Variants in FDFT1 observed in about 807,000 individuals in gnomAD.
FDFT1 encodes the protein squalene synthase.
In FDFT1, 68 loss-of-function variants were observed where a neutral mutation model predicts 46.8. That is an observed-to-expected ratio of 1.45 (90% confidence interval 1.19 to 1.78). The LOEUF is 1.78. FDFT1 is among the 40% of genes most tolerant of loss of function. FDFT1 has a pLI of 0.00. For synonymous variants in FDFT1, 351 were observed against 185.1 expected (o/e 1.90, Z -7.28); for missense variants, 928 against 524.4 (o/e 1.77, Z -7.52).
At chr8:11,802,377 G>GACCACCGTTGGGCTCCTGCGC (rs1447188846), upstream of FDFT1, 8 of 453,340 alleles carry the variant, frequency 1.8e-5, no homozygotes, top group East Asian at 7.0e-5. Flanking sequence ...CCCGACTGCG[G>GACCACCGTTGGGCTCCTGCGC]ACCACCGTTG....
At chr8:11,812,196 C>A (rs549519903) in intron 3 of FDFT1, among the ~76,000 whole-genome samples, 4 of 152,212 alleles carry the variant, frequency 2.6e-5, no homozygotes, top group Non-Finnish European at 5.9e-5. Context: ...GTTCAGCTCT[C>A]GTGGGCTCTC....
intron 1 of FDFT1, chr8:11,803,204 C>T (rs1806363771): frequency 7.1e-7 from 1 of 1,412,634 alleles, no homozygotes. Context: ...TTCGTCCCCT[C>T]CGTGAGCATC....
At chr8:11,802,056 G>A (rs761821684), upstream of FDFT1, 10 of 455,628 alleles carry the variant, frequency 2.2e-5, no homozygotes, top group Non-Finnish European at 3.5e-5. Flanking sequence ...CCTGTTACAG[G>A]CTCTCTAAGG....
Position 11,831,518 on chromosome 8 carries a change from G to A in FDFT1, c.880G>A (p.Val294Met), listed in dbSNP as rs1474839609. The change falls in exon 7 of 8, where the codon GTG becomes ATG. Residue 294 changes from valine to methionine, a missense_variant and splice_region_variant. By Grantham distance (21) the Val-to-Met change is conservative. Coordinates refer to ENST00000220584, the MANE Select transcript of FDFT1 (RefSeq NM_004462.5). ...TTCCCTCTCTTCTTGTTGTCTCTAGGTGATGGCCATTGCCACTTTGGCTGC... is the reference window on the plus strand; with the variant it reads ...TTCCCTCTCTTCTTGTTGTCTCTAGATGATGGCCATTGCCACTTTGGCTGC... ...SVFNFCAIPQVMAIATLAACY... is the reference protein window; with the variant it reads ...SVFNFCAIPQMMAIATLAACY... 1.9e-6 allele frequency: 3 copies of A among 1,613,854 alleles called. No homozygotes were observed. Among genetic ancestry groups the A allele is most frequent in the Non-Finnish European group, 1.7e-6 (2 of 1,179,818 alleles).
At chr8:11,814,624 T>C (rs980244675) in intron 3 of FDFT1, among the ~76,000 whole-genome samples, 3 of 152,224 alleles carry the variant, frequency 2.0e-5, no homozygotes, top group Non-Finnish European at 2.9e-5. Flanking sequence ...TAAAACAAGA[T>C]ATTTGGGCAG....
At chr8:11,802,036 T>C, upstream of FDFT1, 1 of 455,816 alleles carries the variant, frequency 2.2e-6, no homozygotes, top group Non-Finnish European at 4.4e-6. Context: ...ATGAGAGAAG[T>C]TTCCACATTC....
At chr8:11,832,569 A>AAAAAAAAAAAAAAC in intron 7 of FDFT1, among the ~76,000 whole-genome samples, 1 of 149,298 alleles carries the variant, frequency 6.7e-6, no homozygotes. Context: ...AAAAAAAAAA[A>AAAAAAAAAAAAAAC]AAAAAAAGTC....
upstream of FDFT1, chr8:11,797,976 T>G (rs1277653730): frequency 1.3e-5 from 2 of 152,282 alleles, no homozygotes; most frequent in African/African-American, 2.4e-5. Flanking sequence ...GACGTTTTTA[T>G]TCTATGCCAG....
intron 1 of FDFT1, among the ~76,000 whole-genome samples, chr8:11,805,875 C>CTATGGG (rs956095461): frequency 2.4e-4 from 37 of 152,316 alleles, no homozygotes; most frequent in African/African-American, 8.7e-4. Context: ...TTTCAGTGGA[C>CTATGGG]TATGGGCCTG....
intron 1 of FDFT1, chr8:11,803,463 T>G (rs146097284): frequency 7.9e-7 from 1 of 1,273,820 alleles, no homozygotes; most frequent in East Asian, 5.6e-5. Flanking sequence ...TATCTACGCT[T>G]CCAAGTTCCA....
chr8:11,811,596 A>C (rs1309361734), intron 3 of FDFT1, among the ~76,000 whole-genome samples: 3 of 152,248 alleles, frequency 2.0e-5, no homozygotes, highest in Non-Finnish European at 4.4e-5. Context: ...GTGTTCATAC[A>C]GTGTTCCAGT....
At chr8:11,820,127 G>A (rs753246285) in intron 3 of FDFT1, among the ~76,000 whole-genome samples, 4 of 152,164 alleles carry the variant, frequency 2.6e-5, no homozygotes, top group Non-Finnish European at 5.9e-5. Flanking sequence ...TGGAGTTGCT[G>A]GAGGTCCACT....
At chr8:11,814,544 C>T (rs565456603) in intron 3 of FDFT1, among the ~76,000 whole-genome samples, 1 of 152,136 alleles carries the variant, frequency 6.6e-6, no homozygotes, top group Non-Finnish European at 1.5e-5. Flanking sequence ...TCTGTAGGCT[C>T]TCATGTTTTA....
At chr8:11,799,946 A>AAT (rs1236017555), upstream of FDFT1, among the ~76,000 whole-genome samples, 1 of 147,072 alleles carries the variant, frequency 6.8e-6, no homozygotes, top group African/African-American at 2.5e-5. Flanking sequence ...CTCCATTTAA[A>AAT]AAAAAAAAAA....
intron 7 of FDFT1, among the ~76,000 whole-genome samples, chr8:11,835,898 C>T (rs1488157265): frequency 7.1e-6 from 1 of 140,538 alleles, no homozygotes; most frequent in African/African-American, 2.6e-5. Context: ...CTTTGGGAGG[C>T]TGAGGCAGGC....
chr8:11,803,528 T>TG (rs1436881756), intron 1 of FDFT1: 1 of 1,194,922 alleles, frequency 8.4e-7, no homozygotes, highest in Non-Finnish European at 1.1e-6. Flanking sequence ...GGTCAGAACT[T>TG]GGTTTTACTT....
intron 4 of FDFT1, among the ~76,000 whole-genome samples, chr8:11,824,918 G>T (rs1809756439): frequency 6.6e-6 from 1 of 152,068 alleles, no homozygotes; most frequent in Admixed American, 6.5e-5. Context: ...TGTATTTTTA[G>T]TAGAGACGGG....
intron 7 of FDFT1, 125 bp from the exon 8 acceptor site, chr8:11,838,263 T>C (rs1811812681): frequency 2.7e-6 from 2 of 741,796 alleles, no homozygotes; most frequent in South Asian, 3.1e-5. Context: ...GTTCATGTTC[T>C]CTGAGCCTCC....
At chr8:11,836,079 G>T (rs1032421211) in intron 7 of FDFT1, among the ~76,000 whole-genome samples, 1 of 151,114 alleles carries the variant, frequency 6.6e-6, no homozygotes, top group African/African-American at 2.4e-5. Flanking sequence ...CATGAACCTG[G>T]GAAGTGGAGG....
Sources: gnomAD v4.1 joint callset for allele counts (sites outside exome capture counted in the v4.1 genomes callset) on GRCh38, gnomAD v4.1.1 for gene constraint, MANE v1.5 for transcripts, NCBI Gene and HGNC (gene_info 2026-07-23, HGNC 2026-07-21) for gene names.